Variants in TENM1 observed in about 807,000 individuals in gnomAD.
The protein encoded by TENM1 is teneurin-1.
In TENM1, 35 loss-of-function variants were observed where a neutral mutation model predicts 174.8. The ratio of observed to expected loss-of-function variants is 0.20; its 90% CI spans 0.15 to 0.27. The LOEUF (loss-of-function observed/expected upper bound fraction) is 0.27. TENM1 is among the 10% of genes least tolerant of loss of function. The pLI is 1.00. For synonymous variants in TENM1, 781 were observed against 798.7 expected, an observed-to-expected ratio of 0.98 and a Z score of 0.37; for missense variants, 1,633 against 2,130.1, an observed-to-expected ratio of 0.77 and a Z score of 4.59.
chrX:124,937,805 G>A (rs2058268476), intron 1 of TENM1, among the ~76,000 whole-genome samples: 1 of 111,557 alleles, frequency 9.0e-6, no homozygotes, highest in Non-Finnish European at 1.9e-5. Context: ...GCCTCATATA[G>A]CAACTCGATG....
At chrX:124,488,493 T>C (rs1197400554) in intron 20 of TENM1, among the ~76,000 whole-genome samples, 1 of 112,320 alleles carries the variant, frequency 8.9e-6, no homozygotes, top group Non-Finnish European at 1.9e-5. Flanking sequence ...ACTTTTCTGT[T>C]TCCTTTGCTC....
chrX:124,522,792 A>G (rs1310424909), intron 17 of TENM1, among the ~76,000 whole-genome samples: 5 of 109,648 alleles, frequency 4.6e-5, no homozygotes, highest in Admixed American at 9.7e-5. Flanking sequence ...GGGTTCAAGC[A>G]ATTCTCCTGC....
chrX:124,930,960 T>C (rs750305428), intron 1 of TENM1, among the ~76,000 whole-genome samples: 1 of 111,508 alleles, frequency 9.0e-6, no homozygotes, highest in Non-Finnish European at 1.9e-5. Context: ...CTTTTAGAGT[T>C]ATGAGAAGTG....
At chrX:124,391,688 G>T (rs898186396) in intron 28 of TENM1, among the ~76,000 whole-genome samples, 4 of 111,803 alleles carry the variant, frequency 3.6e-5, no homozygotes, top group Non-Finnish European at 7.5e-5. Flanking sequence ...CCCTTTACCA[G>T]AGCTGAGTAC....
intron 3 of TENM1, among the ~76,000 whole-genome samples, chrX:124,841,152 C>A (rs1347717379): frequency 9.0e-6 from 1 of 111,590 alleles, no homozygotes; most frequent in Non-Finnish European, 1.9e-5. Flanking sequence ...AAACAACAGG[C>A]AACAAAAATA....
chrX:124,565,549 T>G (rs772985601), exon 12 of TENM1: 83 of 1,199,177 alleles, frequency 6.9e-5, no homozygotes, highest in Non-Finnish European at 9.1e-5. Context: ...CCACACTCCA[T>G]GGTACACAGC....
intron 23 of TENM1, among the ~76,000 whole-genome samples, chrX:124,431,813 G>T (rs1400183828): frequency 2.7e-5 from 3 of 111,996 alleles, no homozygotes; most frequent in African/African-American, 9.7e-5. Flanking sequence ...ACACACTCTT[G>T]TGTCTCTCTG....
At chrX:124,633,504 C>A (rs969636580) in intron 11 of TENM1, among the ~76,000 whole-genome samples, 1 of 111,150 alleles carries the variant, frequency 9.0e-6, no homozygotes, top group African/African-American at 3.3e-5. Flanking sequence ...AATGGTATAA[C>A]GTGTGGTTTT....
chrX:124,587,911 T>C (rs766810221), intron 11 of TENM1, among the ~76,000 whole-genome samples: 5 of 112,133 alleles, frequency 4.5e-5, no homozygotes, highest in Admixed American at 2.8e-4. Flanking sequence ...AAAGAAGACA[T>C]TTATGCAGCC....
At chrX:124,425,038 C>A (rs1418063068) in intron 23 of TENM1, among the ~76,000 whole-genome samples, 1 of 111,536 alleles carries the variant, frequency 9.0e-6, no homozygotes, top group Non-Finnish European at 1.9e-5. Flanking sequence ...ATACGGTGTC[C>A]TCCAAGCTCA....
intron 1 of TENM1, among the ~76,000 whole-genome samples, chrX:124,905,727 T>C (rs187092826): frequency 9.0e-6 from 1 of 111,594 alleles, no homozygotes; most frequent in Non-Finnish European, 1.9e-5. Context: ...GAGTTTGCAG[T>C]ACGGAGTACC....
intron 11 of TENM1, among the ~76,000 whole-genome samples, chrX:124,614,025 A>T (rs1299509309): frequency 9.0e-6 from 1 of 111,379 alleles, no homozygotes; most frequent in Non-Finnish European, 1.9e-5. Flanking sequence ...TATGTTGCCG[A>T]TATATGCGCC....
intron 5 of TENM1, among the ~76,000 whole-genome samples, chrX:124,701,718 T>A (rs2148488989): frequency 8.9e-6 from 1 of 112,301 alleles, no homozygotes; most frequent in East Asian, 2.8e-4. Flanking sequence ...CTTCACCAAC[T>A]TTTTTGAACT....
intron 20 of TENM1, among the ~76,000 whole-genome samples, chrX:124,494,477 G>A (rs1205615917): frequency 9.4e-6 from 1 of 106,025 alleles, no homozygotes; most frequent in Admixed American, 9.9e-5. Flanking sequence ...GGAGACAGGA[G>A]TTGAAGCTTC....
intron 23 of TENM1, among the ~76,000 whole-genome samples, chrX:124,425,213 T>G (rs1387066378): frequency 8.9e-6 from 1 of 112,454 alleles, no homozygotes; most frequent in Non-Finnish European, 1.9e-5. Flanking sequence ...TTTGACATAC[T>G]GATTTCCTTT....
At chrX:124,582,408 G>A (rs971738517) in intron 11 of TENM1, among the ~76,000 whole-genome samples, 28 of 111,532 alleles carry the variant, frequency 2.5e-4, no homozygotes, top group African/African-American at 8.5e-4. Context: ...ATGATTTATC[G>A]GAGCAGTGTT....
intron 3 of TENM1, among the ~76,000 whole-genome samples, chrX:124,743,435 G>A (rs192923428): frequency 1.8e-5 from 2 of 111,922 alleles, no homozygotes; most frequent in Non-Finnish European, 1.9e-5. Flanking sequence ...CATGAGTGAC[G>A]CACAGACAAC....
At chrX:124,649,635 C>T (rs775322304) in intron 8 of TENM1, among the ~76,000 whole-genome samples, 1 of 112,064 alleles carries the variant, frequency 8.9e-6, no homozygotes, top group Non-Finnish European at 1.9e-5. Context: ...TTAAGGGATA[C>T]TGACAATGCT....
At chrX:124,771,433 G>A (rs1488295445) in intron 3 of TENM1, among the ~76,000 whole-genome samples, 1 of 112,621 alleles carries the variant, frequency 8.9e-6, no homozygotes, top group African/African-American at 3.2e-5. Flanking sequence ...CAGATTTCTT[G>A]TTAAATGACA....
Sources: gnomAD v4.1 joint callset for allele counts (sites outside exome capture counted in the v4.1 genomes callset) on GRCh38, gnomAD v4.1.1 for gene constraint, MANE v1.5 for transcripts, NCBI Gene and HGNC (gene_info 2026-07-23, HGNC 2026-07-21) for gene names.